TREML2: variants seen among roughly 807,000 people sequenced by gnomAD.
TREML2 encodes trem-like transcript 2 protein.
TREML2 carries 24 observed loss-of-function variants against 25.9 expected under a neutral mutation model. That is an observed-to-expected ratio of 0.93 (90% CI 0.67 to 1.30). TREML2 has a LOEUF of 1.30. Among genes scored for constraint, TREML2 ranks in the 50% most tolerant of loss-of-function variants. The probability of loss-of-function intolerance (pLI) is 0.00; values close to 1 mark genes in which losing one functional copy is unlikely to be tolerated. For synonymous variants in TREML2, 139 were observed against 155.2 expected (o/e 0.90, Z 0.77); for missense variants, 359 against 395.6 (o/e 0.91, Z 0.78).
rs71305799 is a variant in TREML2, at chr6:41,191,222, T to TGTGTGTGTGTG, written c.*1204_*1205insCACACACACAC. 8.5e-6 allele frequency: 1 copy of TGTGTGTGTGTG among 118,318 alleles called. No individual in the cohort carries two copies. Among genetic ancestry groups the TGTGTGTGTGTG allele is most frequent in the African/African-American group, 3.7e-5 (1 of 26,966 alleles). The allele number at this position is 118,318 out of a possible 1,614,324, so 7.3% of individuals were successfully genotyped here. On this transcript the variant is annotated 3_prime_UTR_variant, in exon 5 of 5. Transcript: ENST00000483722. ...GTGTGTGTGTGTGTGTGTGTGTGTG[T>TGTGTGTGTGTG]AGGGGAATCCAGGCTGCATTCTCCA...
At chr6:41,193,627 A>G (rs1022559444) in intron 3 of TREML2, among the ~76,000 whole-genome samples, 1 of 151,626 alleles carries the variant, frequency 6.6e-6, no homozygotes, top group Admixed American at 6.6e-5. Flanking sequence ...CCTGACTCAG[A>G]GTCAGTTTCT....
chr6:41,200,711 C>G (rs1766258474), intron 1 of TREML2, among the ~76,000 whole-genome samples: 1 of 152,166 alleles, frequency 6.6e-6, no homozygotes, highest in Admixed American at 6.5e-5. Flanking sequence ...CTGAGGAAGC[C>G]TAGCAGATAA....
chr6:41,194,333 G>T, intron 3 of TREML2, 92 bp downstream of exon 3: 1 of 1,332,124 alleles, frequency 7.5e-7, no homozygotes. Flanking sequence ...TTCCTGGGGA[G>T]CAAAAGGGGA....
At chr6:41,193,040 G>T in intron 3 of TREML2, 139 bp from the exon 4 acceptor site, 1 of 625,608 alleles carries the variant, frequency 1.6e-6, no homozygotes, top group African/African-American at 1.9e-5. Context: ...TTACAGACCC[G>T]GCCACAGAAG....
chr6:41,194,378 T>A, intron 3 of TREML2, 47 bp downstream of exon 3: 2 of 1,484,658 alleles, frequency 1.3e-6, no homozygotes, highest in Non-Finnish European at 1.8e-6. Context: ...CCAGGTCTGT[T>A]TGGGCACTAA....
rs1202495311 is a variant in TREML2, at chr6:41,190,538, T to G, written c.*1889A>C. 6.6e-6 allele frequency: 1 copy of G among 152,166 alleles called. No individual in the cohort carries two copies. Among genetic ancestry groups the G allele is most frequent in the Non-Finnish European group, 1.5e-5 (1 of 68,032 alleles). 9.4% of individuals were successfully genotyped at this position (152,166 alleles called of 1,614,324 possible). A position where few individuals can be genotyped will look rare whatever the true frequency, so the allele number is the denominator to read the frequency against. ...TTATCTTGAAAACAATCTTGAGAAG[T>G]AGGAATTATTGTCCTCTTTCACAAG... is the stretch of plus-strand genomic sequence containing the variant. On this transcript the variant is annotated 3_prime_UTR_variant, in exon 5 of 5. Transcript: ENST00000483722.
intron 2 of TREML2, among the ~76,000 whole-genome samples, chr6:41,197,706 GC>G (rs530782971): frequency 1.7e-3 from 259 of 152,276 alleles, no homozygotes; most frequent in African/African-American, 6.0e-3. Context: ...TAATAAGTGT[GC>G]CTGTCATCTC....
intron 1 of TREML2, among the ~76,000 whole-genome samples, chr6:41,199,366 G>T (rs1390747937): frequency 2.0e-5 from 3 of 152,180 alleles, no homozygotes; most frequent in Non-Finnish European, 4.4e-5. Context: ...ACTCTCCTTA[G>T]TTCATTCCAT....
chr6:41,189,941 G>C lies in TREML2; in HGVS notation c.*2486C>G, dbSNP rs1489184203. 6.6e-6 allele frequency among the ~76,000 whole-genome samples: 1 copy of C among 152,114 alleles called. No individual in the cohort carries two copies. The highest frequency in any genetic ancestry group is 1.5e-5 in the Non-Finnish European group (1 of 68,022). On this transcript the variant is annotated 3_prime_UTR_variant, in exon 5 of 5. Coordinates refer to ENST00000483722, the MANE Select transcript of TREML2 (RefSeq NM_024807.4). ...TGCTGTCCTTCTAATGTACATGTGG[G>C]CCCTTGGCTTGAGTTACTTACTCCA...
chr6:41,198,081 C>A, intron 2 of TREML2, 28 bp downstream of exon 2: 3 of 1,549,894 alleles, frequency 1.9e-6, no homozygotes, highest in South Asian at 1.2e-5. Flanking sequence ...TCCCTCCACC[C>A]GTCCCAGAGC....
At chr6:41,200,588 G>C (rs115665027) in intron 1 of TREML2, among the ~76,000 whole-genome samples, 497 of 152,302 alleles carry the variant, frequency 3.3e-3, no homozygotes, top group African/African-American at 0.012. Context: ...TTCAAATTCA[G>C]TTCAAAACAC....
intron 2 of TREML2, among the ~76,000 whole-genome samples, chr6:41,197,502 A>G (rs1766188820): frequency 6.6e-6 from 1 of 152,188 alleles, no homozygotes; most frequent in Non-Finnish European, 1.5e-5. Context: ...ACAGGGCTGG[A>G]AAATGCTCAC....
At chr6:41,192,720 C>T (rs953601988) in intron 4 of TREML2, 81 bp downstream of exon 4, 38 of 1,334,092 alleles carry the variant, frequency 2.8e-5, no homozygotes, top group Middle Eastern at 1.8e-4. Flanking sequence ...GGCCATACCA[C>T]GTGGGGACTC....
Position 41,198,298 on chromosome 6 carries a change from A to G in TREML2, c.187T>C (p.Cys63Arg). 1 of 1,613,832 alleles carries G rather than the reference A, an allele frequency of 6.2e-7. No homozygotes were observed. The highest frequency in any genetic ancestry group is 8.5e-7 in the Non-Finnish European group (1 of 1,179,980). Residue 63 changes from cysteine to arginine, a missense_variant, in exon 2 of 5, where the codon TGT (cysteine) becomes CGT (arginine). Coordinates refer to ENST00000483722, the MANE Select transcript of TREML2 (RefSeq NM_024807.4). ...KVWCKIRKKK[C>R]EPGFARVWVK... ...CAGACTCGGGCAAAGCCAGGCTCAC[A>G]CTTCTTCTTCCTGATTTTGCACCAA...
chr6:41,192,527 T>C, intron 4 of TREML2, 21 bp from the exon 5 acceptor site: 1 of 1,611,232 alleles, frequency 6.2e-7, no homozygotes, highest in Non-Finnish European at 8.5e-7. Flanking sequence ...CAGGGAGAGC[T>C]GAGGAAGTGT....
chr6:41,201,149 T>A lies in TREML2; in HGVS notation c.-141A>T. ...GCCCATTTAGGGAAGTGAGGCAGTG[T>A]GGGACCCACTGCCCCCAGCCAACCG... On this transcript the variant is annotated 5_prime_UTR_variant, in exon 1 of 5. Transcript: ENST00000483722. The A allele has an allele frequency of 1.1e-6, 1 of 932,464 alleles. No homozygotes were observed. Among genetic ancestry groups the A allele is most frequent in the Non-Finnish European group, 1.8e-6 (1 of 564,242 alleles). 57.8% of individuals were successfully genotyped at this position (932,464 alleles called of 1,614,324 possible). A position where few individuals can be genotyped will look rare whatever the true frequency, so the allele number is the denominator to read the frequency against.
chr6:41,200,600 C>A (rs189304688), intron 1 of TREML2, among the ~76,000 whole-genome samples: 1 of 152,214 alleles, frequency 6.6e-6, no homozygotes, highest in African/African-American at 2.4e-5. Flanking sequence ...TCAAAACACA[C>A]ATGATGCAAT....
rs762285965 is a variant in TREML2 at position 41,192,882 on chromosome 6, T to C, written c.805A>G (p.Thr269Ala). Residue 269 changes from threonine to alanine, a missense_variant, in exon 4 of 5, where the codon ACT becomes GCT. By Grantham distance (58) the Thr-to-Ala change is moderately conservative. Transcript: ENST00000483722. ...AGGGTCAGCACCACCCCAAGCACAG[T>C]GGAGTAAACATCCTGGTGCCTGAGA... ...PSIRHQDVYS[T>A]VLGVVLTLLV... The C allele has an allele frequency of 1.3e-5, 20 of 1,583,606 alleles. No individual in the cohort carries two copies. The highest frequency in any genetic ancestry group is 4.3e-6 in the Non-Finnish European group (5 of 1,166,864).
intron 2 of TREML2, among the ~76,000 whole-genome samples, chr6:41,195,657 A>T (rs956896539): frequency 2.6e-5 from 4 of 152,196 alleles, no homozygotes; most frequent in Non-Finnish European, 5.9e-5. Flanking sequence ...GCTCACCTGG[A>T]GTCAGAGCTC....
Sources: allele counts gnomAD v4.1 joint callset (sites outside exome capture counted in the v4.1 genomes callset), GRCh38; gene constraint gnomAD v4.1.1; transcripts MANE v1.5; gene names NCBI Gene and HGNC (gene_info 2026-07-23, HGNC 2026-07-21).